The following DCLK2 variants were observed in gnomAD, a reference collection of about 807,000 sequenced individuals.
DCLK2 encodes the protein doublecortin like kinase 2.
A neutral mutation model predicts 78.4 loss-of-function variants in DCLK2; 31 were observed. That is an observed-to-expected ratio of 0.40 (90% CI 0.30 to 0.53). The LOEUF (loss-of-function observed/expected upper bound fraction) is 0.53. DCLK2 is among the 20% of genes least tolerant of loss of function. The pLI, the probability that DCLK2 is intolerant of heterozygous loss-of-function variation, is 0.61. For missense variants in DCLK2, 872 were observed against 973.7 expected (o/e 0.90, Z 1.39); for synonymous variants, 407 against 374.9 (o/e 1.09, Z -0.99).
chr4:150,147,030 T>C (rs1734522500), intron 2 of DCLK2, among the ~76,000 whole-genome samples: 1 of 152,070 alleles, frequency 6.6e-6, no homozygotes, highest in Non-Finnish European at 1.5e-5. Flanking sequence ...ATGCCTATTA[T>C]CGCAGCACTT....
chr4:150,212,953 G>A (rs547539542), intron 5 of DCLK2, among the ~76,000 whole-genome samples: 1 of 152,300 alleles, frequency 6.6e-6, no homozygotes, highest in East Asian at 1.9e-4. Flanking sequence ...TATAACAGAA[G>A]AGGCAGACAC....
chr4:150,093,636 G>C (rs7663626), intron 1 of DCLK2, among the ~76,000 whole-genome samples: 132,681 of 152,214 alleles, frequency 0.87, 58,463 homozygotes, highest in Non-Finnish European at 0.94. Context: ...CCCACCTTGG[G>C]CTCCCAAAGT....
chr4:150,247,558 T>C (rs1743421129), intron 12 of DCLK2, 45 bp from the exon 13 acceptor site: 1 of 1,576,544 alleles, frequency 6.3e-7, no homozygotes, highest in Admixed American at 1.7e-5. Context: ...TGAAAAATTC[T>C]ACGGTGACTT....
intron 2 of DCLK2, among the ~76,000 whole-genome samples, chr4:150,115,975 G>A (rs561689656): frequency 6.6e-6 from 1 of 152,258 alleles, no homozygotes; most frequent in Non-Finnish European, 1.5e-5. Flanking sequence ...TTTTCAAAGG[G>A]AAGGGAGGGA....
At position 150,079,374 on chromosome 4, in the gene DCLK2, T is replaced by A. The variant is rs1729067456; in HGVS notation, c.347T>A (p.Leu116Gln). Residue 116 changes from leucine to glutamine, a missense_variant, in exon 1 of 16, where the codon CTG (leucine) becomes CAG (glutamine). Physicochemically the swap from Leu to Gln is moderately radical, Grantham distance 113 (BLOSUM62 -2). Coordinates refer to ENST00000296550, the MANE Select transcript of DCLK2 (RefSeq NM_001040260.4). ...CGCTCCCTGTCGGACAACGTGAACCTGCCCCAGGGTGTCCGCACTATCTAC... is the reference window on the plus strand; with the variant it reads ...CGCTCCCTGTCGGACAACGTGAACCAGCCCCAGGGTGTCCGCACTATCTAC... Reference protein sequence around the residue: ...LTRSLSDNVNLPQGVRTIYTI... With the variant: ...LTRSLSDNVNQPQGVRTIYTI... The A allele has an allele frequency of 6.3e-7, 1 of 1,588,656 alleles. No homozygotes were observed. The highest frequency in any genetic ancestry group is 1.3e-5 in the African/African-American group (1 of 74,248).
chr4:150,170,362 A>T (rs28417141), intron 2 of DCLK2, among the ~76,000 whole-genome samples: 5,017 of 152,244 alleles, frequency 0.033, 263 homozygotes, highest in African/African-American at 0.11. Flanking sequence ...TTTAAAAGAA[A>T]GAAAAAGATA....
intron 2 of DCLK2, among the ~76,000 whole-genome samples, chr4:150,154,750 T>A (rs986694619): frequency 6.6e-5 from 10 of 152,240 alleles, no homozygotes; most frequent in African/African-American, 7.2e-5. Flanking sequence ...GCTTATTTTT[T>A]AAAAATTTTA....
intron 2 of DCLK2, among the ~76,000 whole-genome samples, chr4:150,113,498 A>G (rs1388825847): frequency 3.3e-5 from 5 of 152,038 alleles, no homozygotes; most frequent in Non-Finnish European, 7.4e-5. Context: ...TGTTTCCAGG[A>G]ATTTGTGCAT....
At chr4:150,140,558 C>T (rs1024660953) in intron 2 of DCLK2, among the ~76,000 whole-genome samples, 3 of 152,276 alleles carry the variant, frequency 2.0e-5, no homozygotes, top group South Asian at 2.1e-4. Flanking sequence ...AAAGCCTTTG[C>T]GGTATCCATG....
At chr4:150,169,062 A>G (rs1236668730) in intron 2 of DCLK2, among the ~76,000 whole-genome samples, 1 of 146,998 alleles carries the variant, frequency 6.8e-6, no homozygotes, top group Non-Finnish European at 1.5e-5. Flanking sequence ...ACCCCCCGTA[A>G]TTCCTTGTGT....
At chr4:150,232,532 T>C in intron 9 of DCLK2, 76 bp downstream of exon 9, 1 of 1,566,886 alleles carries the variant, frequency 6.4e-7, no homozygotes, top group Non-Finnish European at 8.7e-7. Flanking sequence ...ATCAGAAAAG[T>C]GTATTGCTAC....
At chr4:150,204,967 G>A (rs888954337) in intron 5 of DCLK2, among the ~76,000 whole-genome samples, 12 of 151,806 alleles carry the variant, frequency 7.9e-5, no homozygotes, top group Non-Finnish European at 1.5e-4. Context: ...GAATACTGAT[G>A]TATACACAGT....
intron 8 of DCLK2, among the ~76,000 whole-genome samples, chr4:150,230,558 C>T (rs974656363): frequency 2.6e-5 from 4 of 152,134 alleles, no homozygotes; most frequent in East Asian, 1.9e-4. Context: ...TTGCTTCACA[C>T]GGAGGGAAAT....
chr4:150,108,430 G>C (rs1375443133), intron 2 of DCLK2, among the ~76,000 whole-genome samples: 1 of 151,810 alleles, frequency 6.6e-6, no homozygotes, highest in Non-Finnish European at 1.5e-5. Flanking sequence ...TGTAGTCCCA[G>C]CTACACGGGA....
At chr4:150,139,194 TA>T (rs1733936771) in intron 2 of DCLK2, among the ~76,000 whole-genome samples, 1 of 152,166 alleles carries the variant, frequency 6.6e-6, no homozygotes, top group South Asian at 2.1e-4. Context: ...ATGTGAGAAT[TA>T]TTTTACAAAT....
At chr4:150,155,895 G>A (rs1735236617) in intron 2 of DCLK2, among the ~76,000 whole-genome samples, 1 of 152,172 alleles carries the variant, frequency 6.6e-6, no homozygotes, top group South Asian at 2.1e-4. Context: ...CAGATGTAAA[G>A]CAGGAAGGAA....
chr4:150,221,019 T>A (rs959184650), intron 6 of DCLK2, among the ~76,000 whole-genome samples: 3 of 152,222 alleles, frequency 2.0e-5, no homozygotes, highest in African/African-American at 7.2e-5. Flanking sequence ...CTTCTTTTAT[T>A]TTTGTGGTGA....
At position 150,203,997 on chromosome 4, in the gene DCLK2, A is replaced by G. The variant is rs1368601312; in HGVS notation, c.1056+108A>G. 3 of 1,056,364 alleles carry G rather than the reference A, an allele frequency of 2.8e-6. No homozygotes were observed. The Admixed American group carries it at 7.5e-5, about 26-fold the overall frequency. The allele number at this position is 1,056,364 out of a possible 1,614,324, so 65.4% of individuals were successfully genotyped here. A position where few individuals can be genotyped will look rare whatever the true frequency, so the allele number is the denominator to read the frequency against. On this transcript the variant is annotated intron_variant, in intron 5 of 15. Coordinates refer to ENST00000296550, the MANE Select transcript of DCLK2 (RefSeq NM_001040260.4). Reference sequence around the variant, plus strand: ...TTGAGTACAGTAGCAAATTAAAAAGATTTTAGGATTTTGAGCCTGGTAGAC... The same window carrying G: ...TTGAGTACAGTAGCAAATTAAAAAGGTTTTAGGATTTTGAGCCTGGTAGAC...
At chr4:150,240,857 C>T (rs1742879260) in intron 12 of DCLK2, among the ~76,000 whole-genome samples, 1 of 150,774 alleles carries the variant, frequency 6.6e-6, no homozygotes, top group African/African-American at 2.4e-5. Context: ...CATTAGCATA[C>T]TTTGGGTGTG....
Sources: allele counts gnomAD v4.1 joint callset (sites outside exome capture counted in the v4.1 genomes callset), GRCh38; gene constraint gnomAD v4.1.1; transcripts MANE v1.5; gene names NCBI Gene and HGNC (gene_info 2026-07-23, HGNC 2026-07-21).